EPHA4: variants seen among roughly 807,000 people sequenced by gnomAD.
EPHA4 encodes the protein ephrin type-A receptor 4.
EPHA4 carries 19 observed loss-of-function variants against 108.3 expected under a neutral mutation model. That is an observed-to-expected ratio of 0.18 (90% CI 0.12 to 0.26). EPHA4 has a LOEUF of 0.26. Ranked by LOEUF, EPHA4 falls within the 10% of genes least tolerant of loss-of-function variation. The pLI is 1.00. For missense variants in EPHA4, 917 were observed against 1,254.0 expected, an observed-to-expected ratio of 0.73 and a Z score of 4.06; for synonymous variants, 449 against 455.5, an observed-to-expected ratio of 0.99 and a Z score of 0.18.
intron 4 of EPHA4, among the ~76,000 whole-genome samples, chr2:221,499,754 ATATTTT>A (rs1259962753): frequency 3.6e-3 from 124 of 34,784 alleles, no homozygotes; most frequent in South Asian, 5.2e-3. Context: ...ATATATATAT[ATATTTT>A]TTTTTTTTTT....
chr2:221,437,038 T>C (rs1478925326), intron 12 of EPHA4, 23 bp downstream of exon 12: 13 of 1,571,760 alleles, frequency 8.3e-6, no homozygotes, highest in Non-Finnish European at 1.1e-5. Context: ...CATTCTTGGG[T>C]TTAATATAAA....
intron 8 of EPHA4, among the ~76,000 whole-genome samples, chr2:221,451,901 G>A (rs970594834): frequency 1.6e-4 from 24 of 152,208 alleles, no homozygotes; most frequent in East Asian, 5.8e-4. Flanking sequence ...AGTAGATCTC[G>A]CTGAAAAAAG....
rs914099718 is a variant in EPHA4 at position 221,434,242 on chromosome 2, C to T, written c.2396G>A (p.Arg799His). ...RWTAPEAIAY[R>H]KFTSASDVWS... is the part of the protein sequence containing the mutation. ...TACATCACTTGCTGATGTGAATTTA[C>T]GATAGGCAATTGCTTCTGGCGCAGT... The change falls in exon 14 of 18, where the codon CGT becomes CAT. Residue 799 changes from arginine to histidine, a missense_variant. Physicochemically the swap from Arg to His is conservative, Grantham distance 29. This residue lies in a region of EPHA4 where 758 missense variants were observed against 1,076.7 expected (regional missense o/e 0.70). Coordinates refer to ENST00000281821, the MANE Select transcript of EPHA4 (RefSeq NM_004438.5). 37 of 1,613,958 alleles carry T rather than the reference C, an allele frequency of 2.3e-5. No homozygotes were observed. Among genetic ancestry groups the T allele is most frequent in the Non-Finnish European group, 3.1e-5 (36 of 1,179,984 alleles).
intron 5 of EPHA4, among the ~76,000 whole-genome samples, chr2:221,481,175 A>G (rs1002394340): frequency 6.6e-6 from 1 of 152,188 alleles, no homozygotes; most frequent in Non-Finnish European, 1.5e-5. Context: ...AAAGCCTAGA[A>G]ACCTAGATTT....
intron 2 of EPHA4, among the ~76,000 whole-genome samples, chr2:221,567,314 G>A (rs911909121): frequency 1.3e-5 from 2 of 152,116 alleles, no homozygotes; most frequent in African/African-American, 4.8e-5. Flanking sequence ...CATGTAGCCT[G>A]GGAAAGCCTC....
chr2:221,514,173 C>T (rs185204285), intron 3 of EPHA4, among the ~76,000 whole-genome samples: 1 of 152,036 alleles, frequency 6.6e-6, no homozygotes, highest in Non-Finnish European at 1.5e-5. Context: ...CGGTTTGAAT[C>T]GGCAGCCGAA....
At chr2:221,537,984 T>C (rs1693719717) in intron 3 of EPHA4, among the ~76,000 whole-genome samples, 1 of 152,214 alleles carries the variant, frequency 6.6e-6, no homozygotes, top group African/African-American at 2.4e-5. Flanking sequence ...TGAAAGTCTC[T>C]GTATTTGTTT....
At chr2:221,538,674 A>C (rs1693743459) in intron 3 of EPHA4, among the ~76,000 whole-genome samples, 1 of 152,228 alleles carries the variant, frequency 6.6e-6, no homozygotes, top group Admixed American at 6.5e-5. Context: ...TCTAGTAAAT[A>C]AACCTGCAGA....
At chr2:221,445,978 C>A (rs1046581416) in intron 9 of EPHA4, 145 bp downstream of exon 9, 5 of 369,438 alleles carry the variant, frequency 1.4e-5, no homozygotes, top group Admixed American at 4.8e-5. Context: ...CAGTTTGATA[C>A]CTAGGAAGTA....
At chr2:221,514,089 G>A (rs995868811) in intron 3 of EPHA4, among the ~76,000 whole-genome samples, 4 of 116,804 alleles carry the variant, frequency 3.4e-5, no homozygotes, top group African/African-American at 1.4e-4. Context: ...CCTGTAAGCC[G>A]GGGGGAGGGG....
chr2:221,518,335 G>T (rs937184147), intron 3 of EPHA4, among the ~76,000 whole-genome samples: 6 of 152,204 alleles, frequency 3.9e-5, no homozygotes, highest in Admixed American at 2.0e-4. Context: ...CTCTTCCCTA[G>T]ACCCCGCTCT....
chr2:221,490,447 C>T (rs578121834), intron 4 of EPHA4, among the ~76,000 whole-genome samples: 24 of 152,156 alleles, frequency 1.6e-4, no homozygotes, highest in Non-Finnish European at 2.4e-4. Context: ...GAAATTCATT[C>T]TGGATGGGAA....
chr2:221,501,449 G>A (rs1021332778), intron 3 of EPHA4: 22 of 331,234 alleles, frequency 6.6e-5, no homozygotes, highest in African/African-American at 2.8e-4. Context: ...AAAGTTTACC[G>A]AACGCCTTTC....
intron 5 of EPHA4, among the ~76,000 whole-genome samples, chr2:221,461,924 A>G (rs55872137): frequency 0.018 from 2,758 of 151,890 alleles, 77 homozygotes; most frequent in African/African-American, 0.062. Flanking sequence ...TAGACACTCA[A>G]TACACCTGCT....
intron 3 of EPHA4, among the ~76,000 whole-genome samples, chr2:221,543,008 C>T (rs1279306949): frequency 6.6e-6 from 1 of 152,216 alleles, no homozygotes; most frequent in African/African-American, 2.4e-5. Flanking sequence ...ATATAATGAT[C>T]CTATATGTAT....
intron 4 of EPHA4, among the ~76,000 whole-genome samples, chr2:221,485,671 G>A (rs1185907288): frequency 6.6e-6 from 1 of 152,086 alleles, no homozygotes; most frequent in Non-Finnish European, 1.5e-5. Flanking sequence ...TGTGCTTGTG[G>A]GATTGTGGTT....
At chr2:221,463,484 C>T (rs890053431) in intron 5 of EPHA4, among the ~76,000 whole-genome samples, 4 of 152,160 alleles carry the variant, frequency 2.6e-5, no homozygotes, top group Admixed American at 1.3e-4. Flanking sequence ...TGTGGGTTTT[C>T]TCTCTGTGTG....
At chr2:221,438,832 GATT>G (rs1663884772) in intron 11 of EPHA4, among the ~76,000 whole-genome samples, 1 of 152,104 alleles carries the variant, frequency 6.6e-6, no homozygotes, top group African/African-American at 2.4e-5. Flanking sequence ...TGCATTGGCT[GATT>G]ATTTAGACTT....
At chr2:221,527,695 G>A (rs980172734) in intron 3 of EPHA4, among the ~76,000 whole-genome samples, 1 of 152,138 alleles carries the variant, frequency 6.6e-6, no homozygotes, top group African/African-American at 2.4e-5. Flanking sequence ...ACATAACATT[G>A]GCCTGGATCA....
Sources: allele counts gnomAD v4.1 joint callset (sites outside exome capture counted in the v4.1 genomes callset), GRCh38; gene constraint gnomAD v4.1.1; regional missense constraint gnomAD v4.1.1; transcripts MANE v1.5; gene names NCBI Gene and HGNC (gene_info 2026-07-23, HGNC 2026-07-21).